The following C16orf96 variants were observed in gnomAD, a reference collection of about 807,000 sequenced individuals.
C16orf96 encodes chromosome 16 open reading frame 96, also known as uncharacterized protein C16orf96.
Under a neutral mutation model 103.6 loss-of-function variants are expected in C16orf96, and 108 were observed. The observed-to-expected ratio is 1.04, with a 90% CI of 0.89 to 1.22. The LOEUF (loss-of-function observed/expected upper bound fraction) is 1.22, where lower values mean the gene tolerates loss of function less well. C16orf96 is among the 50% of genes most tolerant of loss of function. The pLI is 0.00. For synonymous variants in C16orf96, 566 were observed against 593.5 expected (o/e 0.95, Z 0.67); for missense variants, 1,586 against 1,464.2 (o/e 1.08, Z -1.36).
intron 1 of C16orf96, among the ~76,000 whole-genome samples, chr16:4,558,649 G>A (rs548538610): frequency 3.3e-5 from 5 of 149,584 alleles, no homozygotes; most frequent in South Asian, 2.2e-4. Flanking sequence ...GCACAGTGGC[G>A]CACACCTGTA....
rs1596529515 is a variant in C16orf96 at position 4,580,550 on chromosome 16, A to G, written c.2352+425A>G. ...GTGATAAAAATAAAAAAATAATAAT[A>G]AAAAGAAATATTTAGGCTGGGTGCG... On this transcript the variant is annotated intron_variant, in intron 7 of 15. Transcript: ENST00000444310. Among the ~76,000 whole-genome samples, 4 of 152,230 alleles carry G rather than the reference A, an allele frequency of 2.6e-5. 1 individual carries two copies. Among genetic ancestry groups the G allele is most frequent in the Admixed American group, 2.6e-4 (4 of 15,262 alleles).
At chr16:4,576,678 C>G (rs758232639) in intron 5 of C16orf96, 43 bp downstream of exon 5, 36 of 1,498,598 alleles carry the variant, frequency 2.4e-5, no homozygotes, top group Non-Finnish European at 2.7e-5. Flanking sequence ...GGGAGTGGGG[C>G]TCTCCCTGCA....
At chr16:4,548,781 G>C in the C16orf96 span, among the ~76,000 whole-genome samples, 144,463 of 151,604 alleles carry the variant, frequency 0.95, 69,229 homozygotes, top group East Asian at 1. Context: ...GCTGAGGCAG[G>C]AGAATCGCTT....
At chr16:4,568,414 C>T (rs555759381) in intron 1 of C16orf96, among the ~76,000 whole-genome samples, 42 of 151,886 alleles carry the variant, frequency 2.8e-4, no homozygotes, top group African/African-American at 1.0e-3. Flanking sequence ...TTGGTTTATA[C>T]TATTGTTCAA....
At position 4,594,456 on chromosome 16, in the gene C16orf96, C is replaced by T; in HGVS notation, c.2973C>T (p.Cys991=). ...CCACCAGCCTCAAGTGCAAGTCCTG[C>T]AACCTGTTGACGCTCTATCCCTACG... The part of the protein sequence containing the change: ...QNATSLKCKS[C]NLLTLYPYGD... Residue 991 remains cysteine, a synonymous_variant, in exon 13 of 16, where the codon TGC becomes TGT. Transcript: ENST00000444310. 1 of 1,551,560 alleles carries T rather than the reference C, an allele frequency of 6.4e-7. No homozygotes were observed. The highest frequency in any genetic ancestry group is 8.7e-7 in the Non-Finnish European group (1 of 1,147,000).
Position 4,593,132 on chromosome 16 carries a change from G to A in C16orf96, c.2775-92G>A. On this transcript the variant is annotated intron_variant, in intron 11 of 15. Transcript: ENST00000444310. This position sits in a 1 kb window ranked among gnomAD's most constrained non-coding sequence, Gnocchi z 4.2. ...CCTGAGTCTGCACCTCCTTCCTCCT[G>A]CTGGGAAGGCTTCCTGGAGGGGTGG... The A allele has an allele frequency of 1.6e-6, 2 of 1,247,220 alleles. No individual in the cohort carries two copies. Among genetic ancestry groups the A allele is most frequent in the Non-Finnish European group, 1.1e-6 (1 of 876,998 alleles). 77.3% of individuals were successfully genotyped at this position (1,247,220 alleles called of 1,614,324 possible).
chr16:4,597,669 T>G (rs1197743902), intron 14 of C16orf96, among the ~76,000 whole-genome samples: 1 of 151,872 alleles, frequency 6.6e-6, no homozygotes, highest in Non-Finnish European at 1.5e-5. Flanking sequence ...AAATCCTCCC[T>G]CTTCAGCCTT....
intron 9 of C16orf96, among the ~76,000 whole-genome samples, chr16:4,591,463 C>A (rs1157098131): frequency 6.6e-6 from 1 of 152,060 alleles, no homozygotes; most frequent in African/African-American, 2.4e-5. Context: ...GCTCACCTTG[C>A]AGCTCCCCTC....
In C16orf96 at chr16:4,575,402, CA is replaced by C; in HGVS notation, c.923del (p.Gln308ArgfsTer51). On this transcript the variant is annotated frameshift_variant, in exon 5 of 16. Coordinates refer to ENST00000444310, the MANE Select transcript of C16orf96 (RefSeq NM_001145011.2). LOFTEE classifies it high-confidence loss of function. ...ACTCAGCAGAGCCCAGGAGCCAGCGCAGCCTCCGGCCCTCACGCCTGAGTCT... is the reference window on the plus strand; with the variant it reads ...ACTCAGCAGAGCCCAGGAGCCAGCGCGCCTCCGGCCCTCACGCCTGAGTCT... ...VSLSRAQEPA[Q>X]PPALTPESAP... is the part of the protein sequence containing the mutation. The C allele has an allele frequency of 6.4e-7, 1 of 1,550,560 alleles. No homozygotes were observed. Among genetic ancestry groups the C allele is most frequent in the South Asian group, 1.2e-5 (1 of 84,068 alleles).
chr16:4,589,107 C>T (rs1162779973), intron 9 of C16orf96, among the ~76,000 whole-genome samples: 3 of 152,170 alleles, frequency 2.0e-5, no homozygotes, highest in African/African-American at 7.2e-5. Context: ...TCCTCCTCCA[C>T]CCCACATCCC....
At chr16:4,578,256 C>A (rs1255421207) in intron 5 of C16orf96, among the ~76,000 whole-genome samples, 2 of 152,102 alleles carry the variant, frequency 1.3e-5, no homozygotes, top group African/African-American at 4.8e-5. Flanking sequence ...GATTCTCCTG[C>A]CTCAGCCTTC....
intron 14 of C16orf96, among the ~76,000 whole-genome samples, chr16:4,597,388 G>T (rs903445630): frequency 1.3e-5 from 2 of 152,134 alleles, no homozygotes; most frequent in African/African-American, 4.8e-5. Flanking sequence ...CTTGCCGGGC[G>T]GCCAGGGCAG....
rs928123585 is a variant in C16orf96, at chr16:4,574,676, A to G, written c.526-33A>G. On this transcript the variant is annotated intron_variant, in intron 2 of 15. Transcript: ENST00000444310. The stretch of plus-strand genomic sequence containing the variant: ...AAGGCAGGGGTGGGACAGAACCTGG[A>G]CCCCCAGTCCACAGACTCAGTTCCT... The G allele has an allele frequency of 3.2e-5, 49 of 1,527,526 alleles. No individual in the cohort carries two copies. In the Admixed American group the frequency reaches 9.6e-4, roughly 30 times the overall value. The allele number at this position is 1,527,526 out of a possible 1,614,324, so 94.6% of individuals were successfully genotyped here. A position where few individuals can be genotyped will look rare whatever the true frequency, so the allele number is the denominator to read the frequency against.
At chr16:4,572,679 C>T (rs2059453349) in intron 2 of C16orf96, among the ~76,000 whole-genome samples, 1 of 152,146 alleles carries the variant, frequency 6.6e-6, no homozygotes, top group African/African-American at 2.4e-5. Flanking sequence ...TTGGCAACAG[C>T]AGACTTATAT....
In C16orf96 at chr16:4,575,485, G is replaced by T; in HGVS notation, c.1005G>T (p.Val335=). 1 of 1,547,728 alleles carries T rather than the reference G, an allele frequency of 6.5e-7. No individual in the cohort carries two copies. The highest frequency in any genetic ancestry group is 8.7e-7 in the Non-Finnish European group (1 of 1,146,752). ...APGPAPGTEP[V]PGLELGLELE... ...GGCCTGCACCTGGGACTGAACCTGT[G>T]CCAGGACTGGAGCTGGGGCTGGAGC... Residue 335 remains valine (V), a synonymous_variant, in exon 5 of 16, where the codon GTG becomes GTT. Transcript: ENST00000444310.
At chr16:4,599,164 CG>C in intron 14 of C16orf96, 119 bp from the exon 15 acceptor site, 1 of 793,456 alleles carries the variant, frequency 1.3e-6, no homozygotes, top group Non-Finnish European at 2.1e-6. Context: ...AGGAATGGAC[CG>C]GGGAGCCTGG....
Position 4,556,830 on chromosome 16 carries a change from C to G in C16orf96, c.341C>G (p.Thr114Ser), listed in dbSNP as rs1319407455. The stretch of plus-strand genomic sequence containing the variant: ...CAGCTGCTGGAAGCCAGCCAGGGCA[C>G]TGCCCGGCCCGTCCAGGACCTGTGG... ...TAQLLEASQG[T>S]ARPVQDLWHL... Residue 114 changes from threonine to serine, a missense_variant, in exon 1 of 16, where the codon ACT (threonine) becomes AGT (serine). By Grantham distance (58) the Thr-to-Ser change is moderately conservative. Transcript: ENST00000444310. The G allele has an allele frequency of 5.8e-6, 9 of 1,551,560 alleles. No individual in the cohort carries two copies. In the East Asian group the frequency reaches 1.7e-4, roughly 29 times the overall value.
rs115358802 is a variant in C16orf96 at position 4,556,485 on chromosome 16, G to A, written c.-5G>A. ...ACCCCAGCCCCACTGACCCACCCTGGCAGGATGAGCTTCTCACTCACGTTC... is the reference window on the plus strand; with the variant it reads ...ACCCCAGCCCCACTGACCCACCCTGACAGGATGAGCTTCTCACTCACGTTC... On this transcript the variant is annotated 5_prime_UTR_variant, in exon 1 of 16. Coordinates refer to ENST00000444310, the MANE Select transcript of C16orf96 (RefSeq NM_001145011.2). 3,854 of 1,518,600 alleles carry A rather than the reference G, an allele frequency of 2.5e-3. 73 individuals carry two copies. In the African/African-American group the frequency reaches 0.041, roughly 16 times the overall value. The allele number at this position is 1,518,600 out of a possible 1,614,324, so 94.1% of individuals were successfully genotyped here.
the C16orf96 span, among the ~76,000 whole-genome samples, chr16:4,544,027 C>T: frequency 1.3e-5 from 2 of 152,024 alleles, no homozygotes; most frequent in African/African-American, 2.4e-5. Context: ...AGGGAAGGGG[C>T]TCTAGGATGG....
Sources: allele counts gnomAD v4.1 joint callset (sites outside exome capture counted in the v4.1 genomes callset), GRCh38; gene constraint gnomAD v4.1.1; non-coding constraint Gnocchi (gnomAD v3.1); transcripts MANE v1.5; gene names NCBI Gene and HGNC (gene_info 2026-07-23, HGNC 2026-07-21).